The following ASZ1 variants were observed in gnomAD, a reference collection of about 807,000 sequenced individuals.
The protein encoded by ASZ1 is ankyrin repeat, SAM and basic leucine zipper domain-containing protein 1.
Under a neutral mutation model 61.8 loss-of-function variants are expected in ASZ1, and 67 were observed. The observed-to-expected ratio is 1.08, with a 90% CI of 0.89 to 1.33. The LOEUF (loss-of-function observed/expected upper bound fraction) is 1.33, where lower values mean the gene tolerates loss of function less well. ASZ1 is among the 40% of genes most tolerant of loss of function. The pLI, the probability that ASZ1 is intolerant of heterozygous loss-of-function variation, is 0.00. For synonymous variants in ASZ1, 193 were observed against 192.7 expected, an observed-to-expected ratio of 1.00 and a Z score of -0.01; for missense variants, 577 against 554.5, an observed-to-expected ratio of 1.04 and a Z score of -0.41.
rs538100183 is a variant in ASZ1 at position 117,372,563 on chromosome 7, A to G, written c.1056-3846T>C. On this transcript the variant is annotated intron_variant, in intron 10 of 12. Transcript: ENST00000284629. ...TTTAGAAATTATTTGTTACTACAGC[A>G]TAACACAGTATAAGCGAACTAAAAC... 2.6e-5 allele frequency among the ~76,000 whole-genome samples: 4 copies of G among 152,378 alleles called. No individual in the cohort carries two copies. In the East Asian group the frequency reaches 5.8e-4, roughly 22 times the overall value.
chr7:117,367,501 G>T, intron 11 of ASZ1, 36 bp from the exon 12 acceptor site: 1 of 1,373,462 alleles, frequency 7.3e-7, no homozygotes, highest in Non-Finnish European at 9.5e-7. Flanking sequence ...ATTAAATAAT[G>T]GAAATAACTT....
chr7:117,396,651 A>G (rs1796580732), intron 4 of ASZ1, among the ~76,000 whole-genome samples: 1 of 152,208 alleles, frequency 6.6e-6, no homozygotes, highest in African/African-American at 2.4e-5. Context: ...TACTTTGCTG[A>G]TAACATTAAA....
intron 6 of ASZ1, among the ~76,000 whole-genome samples, chr7:117,384,300 A>AT (rs1796308018): frequency 1.3e-5 from 2 of 152,262 alleles, no homozygotes; most frequent in African/African-American, 4.8e-5. Flanking sequence ...ATAAGAGCAA[A>AT]TGTTGTTTAA....
chr7:117,376,416 A>G (rs1796137760), intron 10 of ASZ1, among the ~76,000 whole-genome samples: 1 of 152,150 alleles, frequency 6.6e-6, no homozygotes, highest in South Asian at 2.1e-4. Context: ...TACAGAAAAT[A>G]AAAGGAGGGG....
In ASZ1 at chr7:117,375,207, A is replaced by G. The variant is rs946817270; in HGVS notation, c.1055+4731T>C. Reference sequence around the variant, plus strand: ...TTACTGAAAAGACAATCATATATCTAAAAGGCAGAAGAGGCCTTACAGGGT... The same window carrying G: ...TTACTGAAAAGACAATCATATATCTGAAAGGCAGAAGAGGCCTTACAGGGT... On this transcript the variant is annotated intron_variant, in intron 10 of 12. Transcript: ENST00000284629. Among the ~76,000 whole-genome samples the G allele has an allele frequency of 1.6e-4, 25 of 152,058 alleles. 1 individual carries two copies. The highest frequency in any genetic ancestry group is 2.1e-4 in the Non-Finnish European group (14 of 67,928).
rs1425520172 is a variant in ASZ1, at chr7:117,426,386, A to G, written c.205+450T>C. Among the ~76,000 whole-genome samples the G allele has an allele frequency of 2.2e-5, 3 of 138,832 alleles. No individual in the cohort carries two copies. In the East Asian group the frequency reaches 7.1e-4, roughly 33 times the overall value. 91.1% of individuals were successfully genotyped at this position (138,832 alleles called of 152,430 possible). A position where few individuals can be genotyped will look rare whatever the true frequency, so the allele number is the denominator to read the frequency against. On this transcript the variant is annotated intron_variant, in intron 2 of 12. Transcript: ENST00000284629. Reference sequence around the variant, plus strand: ...GCGCTTGTAGTCCCAGCTACTCAGGAGGGTGAGGCAGGAGAATCGCTTGAA... The same window carrying G: ...GCGCTTGTAGTCCCAGCTACTCAGGGGGGTGAGGCAGGAGAATCGCTTGAA...
intron 3 of ASZ1, among the ~76,000 whole-genome samples, chr7:117,421,991 C>T (rs1045753744): frequency 6.6e-6 from 1 of 152,004 alleles, no homozygotes; most frequent in Non-Finnish European, 1.5e-5. Context: ...TAAAAACAAC[C>T]AAAACCTTAA....
chr7:117,418,512 T>G (rs1797038683), intron 4 of ASZ1, among the ~76,000 whole-genome samples: 8 of 151,690 alleles, frequency 5.3e-5, no homozygotes, highest in Admixed American at 5.2e-4. Context: ...AATCAGTCAG[T>G]CGTGGTGGCG....
chr7:117,398,198 T>C (rs894924154), intron 4 of ASZ1, among the ~76,000 whole-genome samples: 1 of 152,228 alleles, frequency 6.6e-6, no homozygotes, highest in Admixed American at 6.5e-5. Context: ...CTACTTTCGC[T>C]GTTTCGTACC....
At chr7:117,410,447 CA>C (rs1433772373) in intron 4 of ASZ1, among the ~76,000 whole-genome samples, 1 of 151,460 alleles carries the variant, frequency 6.6e-6, no homozygotes, top group Non-Finnish European at 1.5e-5. Context: ...TTAATTTTAA[CA>C]ATGAAAATTA....
chr7:117,378,726 G>C (rs1490990079), intron 10 of ASZ1, among the ~76,000 whole-genome samples: 2 of 151,952 alleles, frequency 1.3e-5, no homozygotes, highest in Non-Finnish European at 2.9e-5. Flanking sequence ...TCTTGTAGAT[G>C]AATGTTCATG....
intron 12 of ASZ1, among the ~76,000 whole-genome samples, chr7:117,366,614 T>A (rs1017601516): frequency 2.0e-5 from 3 of 151,768 alleles, no homozygotes; most frequent in Non-Finnish European, 2.9e-5. Flanking sequence ...CAATTTTTTT[T>A]AAAGTGGAAA....
At chr7:117,383,246 T>C in intron 6 of ASZ1, 136 bp from the exon 7 acceptor site, 1 of 1,025,922 alleles carries the variant, frequency 9.7e-7, no homozygotes, top group Non-Finnish European at 1.3e-6. Flanking sequence ...GTTTCACAAT[T>C]TACTACCCTG....
chr7:117,397,211 G>A (rs767816333), intron 4 of ASZ1, among the ~76,000 whole-genome samples: 3 of 151,390 alleles, frequency 2.0e-5, no homozygotes, highest in Non-Finnish European at 2.9e-5. Flanking sequence ...CTCTGTCTCC[G>A]AACTGAACCG....
intron 11 of ASZ1, chr7:117,367,825 GACAA>G (rs1285084765): frequency 2.5e-5 from 25 of 989,310 alleles, no homozygotes; most frequent in Non-Finnish European, 3.0e-5. Context: ...TTTTCACTAA[GACAA>G]ACAGCTAAAA....
chr7:117,379,158 T>C (rs1796200383), intron 10 of ASZ1, among the ~76,000 whole-genome samples: 5 of 56,842 alleles, frequency 8.8e-5, no homozygotes, highest in African/African-American at 5.3e-4. Context: ...TATATATATA[T>C]ATATATATAT....
intron 8 of ASZ1, among the ~76,000 whole-genome samples, chr7:117,381,653 C>G (rs535845790): frequency 6.6e-6 from 1 of 152,032 alleles, no homozygotes; most frequent in African/African-American, 2.4e-5. Flanking sequence ...TCATGACAAC[C>G]CAACACTAGG....
chr7:117,379,029 T>C (rs1177654383), intron 10 of ASZ1, among the ~76,000 whole-genome samples: 1 of 150,618 alleles, frequency 6.6e-6, no homozygotes, highest in Middle Eastern at 3.2e-3. Flanking sequence ...GGGGTTGGGA[T>C]GGGGAGAAGG....
Position 117,391,995 on chromosome 7 carries a change from T to C in ASZ1, c.441-6186A>G, listed in dbSNP as rs141583069. On this transcript the variant is annotated intron_variant, in intron 4 of 12. Coordinates refer to ENST00000284629, the MANE Select transcript of ASZ1 (RefSeq NM_130768.3). ...TTAGTAGAGACTGAGTTTCACCATG[T>C]TGGTCAGGCTGGTCTTGAACTGCTG... Among the ~76,000 whole-genome samples the C allele has an allele frequency of 2.4e-4, 36 of 152,276 alleles. No homozygotes were observed. In the East Asian group the frequency reaches 6.9e-3, roughly 29 times the overall value.
Sources: gnomAD v4.1 joint callset for allele counts (sites outside exome capture counted in the v4.1 genomes callset) on GRCh38, gnomAD v4.1.1 for gene constraint, MANE v1.5 for transcripts, NCBI Gene and HGNC (gene_info 2026-07-23, HGNC 2026-07-21) for gene names.